NAV2: variants seen among roughly 807,000 people sequenced by gnomAD.
NAV2 encodes helicase, APC down-regulated 1.
Under a neutral mutation model 223.2 loss-of-function variants are expected in NAV2, and 54 were observed. The ratio of observed to expected loss-of-function variants is 0.24; its 90% CI spans 0.19 to 0.30. The LOEUF (loss-of-function observed/expected upper bound fraction) is 0.30, where lower values mean the gene tolerates loss of function less well. Ranked by LOEUF, NAV2 falls within the 10% of genes least tolerant of loss-of-function variation. The pLI is 1.00. For missense variants in NAV2, 2,806 were observed against 3,147.5 expected, an observed-to-expected ratio of 0.89 and a Z score of 2.60; for synonymous variants, 1,279 against 1,239.3, an observed-to-expected ratio of 1.03 and a Z score of -0.67.
intron 1 of NAV2, among the ~76,000 whole-genome samples, chr11:19,354,828 G>A (rs929744527): frequency 1.3e-5 from 2 of 152,200 alleles, no homozygotes; most frequent in African/African-American, 2.4e-5. Flanking sequence ...GGAAGATCAG[G>A]AGGCAGCTCT....
chr11:19,832,631 G>A, intron 2 of NAV2, 30 bp downstream of exon 2: 1 of 1,571,430 alleles, frequency 6.4e-7, no homozygotes, highest in East Asian at 2.2e-5. Flanking sequence ...TGGGGGTAAT[G>A]AGTTACAGTG....
intron 1 of NAV2, among the ~76,000 whole-genome samples, chr11:19,524,850 T>C (rs964635277): frequency 2.6e-5 from 4 of 152,212 alleles, no homozygotes; most frequent in Non-Finnish European, 4.4e-5. Context: ...ACAATTGTTA[T>C]TTAGGATTGT....
chr11:19,637,881 G>A (rs896011959), intron 1 of NAV2, among the ~76,000 whole-genome samples: 4 of 152,248 alleles, frequency 2.6e-5, no homozygotes, highest in East Asian at 1.9e-4. Context: ...TCTTCATAGC[G>A]AGTGGGCATT....
At chr11:20,046,840 G>A (rs2057492501) in intron 14 of NAV2, among the ~76,000 whole-genome samples, 1 of 152,048 alleles carries the variant, frequency 6.6e-6, no homozygotes, top group Non-Finnish European at 1.5e-5. Context: ...GCAACTGCTA[G>A]GTTACAGTTC....
At chr11:19,929,033 T>C (rs143275631) in intron 6 of NAV2, among the ~76,000 whole-genome samples, 231 of 152,130 alleles carry the variant, frequency 1.5e-3, no homozygotes, top group African/African-American at 5.0e-3. Context: ...AGTGGCTGGA[T>C]CCCTTGAGCT....
chr11:19,463,417 A>G (rs78334587), intron 1 of NAV2, among the ~76,000 whole-genome samples: 4,050 of 152,322 alleles, frequency 0.027, 173 homozygotes, highest in African/African-American at 0.092. Context: ...CAATTGTGGT[A>G]TCATTTCACA....
chr11:20,053,987 G>T (rs554575821), intron 17 of NAV2, 93 bp from the exon 18 acceptor site: 17 of 1,289,316 alleles, frequency 1.3e-5, no homozygotes, highest in Non-Finnish European at 1.8e-5. Context: ...TCGGATATAT[G>T]TTTTCTTTTT....
chr11:19,517,159 A>T (rs1172274593), intron 1 of NAV2, among the ~76,000 whole-genome samples: 1 of 152,198 alleles, frequency 6.6e-6, no homozygotes, highest in Non-Finnish European at 1.5e-5. Flanking sequence ...TGGCCTGCGC[A>T]GTCCACTTTC....
intron 1 of NAV2, among the ~76,000 whole-genome samples, chr11:19,628,143 T>C (rs7123783): frequency 0.016 from 2,459 of 152,220 alleles, 68 homozygotes; most frequent in African/African-American, 0.057. Context: ...CCCCAGGGTT[T>C]GGCTCCCTGG....
intron 1 of NAV2, among the ~76,000 whole-genome samples, chr11:19,547,763 G>C (rs1334764176): frequency 6.6e-6 from 1 of 152,160 alleles, no homozygotes; most frequent in South Asian, 2.1e-4. Context: ...TAATGACAAT[G>C]ATAGTGGTAG....
intron 11 of NAV2, among the ~76,000 whole-genome samples, chr11:19,991,696 G>A (rs58104968): frequency 1.3e-5 from 2 of 152,016 alleles, no homozygotes; most frequent in South Asian, 2.1e-4. Flanking sequence ...AACACAACCC[G>A]TGTTTCATCC....
chr11:19,486,625 A>G (rs920032237), intron 1 of NAV2, among the ~76,000 whole-genome samples: 4 of 152,134 alleles, frequency 2.6e-5, no homozygotes, highest in Non-Finnish European at 4.4e-5. Flanking sequence ...TCTTTCCACC[A>G]TGATTGTAAA....
chr11:19,994,948 C>T (rs1413672267), intron 11 of NAV2, among the ~76,000 whole-genome samples: 6 of 152,122 alleles, frequency 3.9e-5, no homozygotes, highest in African/African-American at 1.2e-4. Flanking sequence ...CTCTAGCCTT[C>T]GGGGGTAAGG....
At chr11:19,460,142 G>C (rs1292934811) in intron 1 of NAV2, among the ~76,000 whole-genome samples, 2 of 152,192 alleles carry the variant, frequency 1.3e-5, no homozygotes, top group Non-Finnish European at 2.9e-5. Flanking sequence ...ACTCAGCATG[G>C]TGTTTCACAC....
At chr11:20,106,817 G>A (rs1052226905) in intron 35 of NAV2, among the ~76,000 whole-genome samples, 14 of 149,972 alleles carry the variant, frequency 9.3e-5, no homozygotes, top group South Asian at 4.2e-4. Context: ...TAATTTTTTT[G>A]TATTTTTTAG....
At chr11:19,433,150 G>A (rs1851094261) in intron 1 of NAV2, among the ~76,000 whole-genome samples, 1 of 152,162 alleles carries the variant, frequency 6.6e-6, no homozygotes, top group African/African-American at 2.4e-5. Flanking sequence ...ATGCCTGAAG[G>A]GTCAATATGT....
In NAV2 at chr11:19,592,007, CT is replaced by C. The variant is rs750297433; in HGVS notation, c.76-240476del. On this transcript the variant is annotated intron_variant, in intron 1 of 37. Transcript: ENST00000360655. ...CCCATCTACAGTTAAGTCCTGACCC[CT>C]ATCACACTTATTGATCTTCCCTCCC... is the stretch of plus-strand genomic sequence containing the variant. 9.1e-4 allele frequency among the ~76,000 whole-genome samples: 139 copies of C among 152,338 alleles called. 1 individual carries two copies. Among genetic ancestry groups the C allele is most frequent in the South Asian group, 2.9e-3 (14 of 4,830 alleles).
intron 1 of NAV2, among the ~76,000 whole-genome samples, chr11:19,357,595 T>C (rs564558826): frequency 6.6e-6 from 1 of 152,024 alleles, no homozygotes; most frequent in Non-Finnish European, 1.5e-5. Flanking sequence ...ATTGGAGGAG[T>C]AAAATGGGGA....
intron 1 of NAV2, among the ~76,000 whole-genome samples, chr11:19,696,662 G>A (rs549193827): frequency 1.3e-5 from 2 of 152,192 alleles, no homozygotes; most frequent in African/African-American, 2.4e-5. Flanking sequence ...TCAGAGAAAG[G>A]ATTGTTTACA....
Sources: allele counts gnomAD v4.1 joint callset (sites outside exome capture counted in the v4.1 genomes callset), GRCh38; gene constraint gnomAD v4.1.1; transcripts MANE v1.5; gene names NCBI Gene and HGNC (gene_info 2026-07-23, HGNC 2026-07-21).